ACKR3: variants seen among roughly 807,000 people sequenced by gnomAD.
ACKR3 encodes the protein C-X-C chemokine receptor type 7.
Under a neutral mutation model 22.4 loss-of-function variants are expected in ACKR3, and 6 were observed. That is an observed-to-expected ratio of 0.27 (90% CI 0.15 to 0.53). ACKR3 has a LOEUF of 0.53. ACKR3 is among the 20% of genes least tolerant of loss of function. The pLI is 0.96. For missense variants in ACKR3, 396 were observed against 475.2 expected (o/e 0.83, Z 1.55); for synonymous variants, 209 against 205.2 (o/e 1.02, Z -0.16).
At chr2:236,568,631 A>G (rs1691240792), upstream of ACKR3, among the ~76,000 whole-genome samples, 1 of 152,238 alleles carries the variant, frequency 6.6e-6, no homozygotes, top group Admixed American at 6.5e-5. Context: ...CTGGGCAGCC[A>G]GTTCAGGAGA....
chr2:236,580,859 A>G lies in ACKR3; in HGVS notation c.394A>G (p.Ile132Val). 1.9e-6 allele frequency: 3 copies of G among 1,614,076 alleles called. No individual in the cohort carries two copies. The highest frequency in any genetic ancestry group is 1.1e-5 in the South Asian group (1 of 91,076). The stretch of plus-strand genomic sequence containing the variant: ...CTTCTCCATCAACCTCTTCGGCAGC[A>G]TTTTCTTCCTCACGTGCATGAGCGT... The part of the protein sequence containing the change: ...LIFSINLFGS[I>V]FFLTCMSVDR... Residue 132 changes from isoleucine (I) to valine (V), a missense_variant, in exon 2 of 2, where the codon ATT (isoleucine) becomes GTT (valine). By Grantham distance (29) the Ile-to-Val change is conservative. Transcript: ENST00000272928.
chr2:236,550,031 C>T, the ACKR3 span, among the ~76,000 whole-genome samples: 10 of 152,284 alleles, frequency 6.6e-5, no homozygotes, highest in East Asian at 1.9e-3. This position sits in a 1 kb window ranked among gnomAD's most constrained non-coding sequence, Gnocchi z 4.6. Context: ...GCCCAGGTAC[C>T]CGGGGCCCTT....
rs775356645 is a variant in ACKR3 at position 236,581,463 on chromosome 2, A to G, written c.998A>G (p.Lys333Arg). 131 of 1,614,064 alleles carry G rather than the reference A, an allele frequency of 8.1e-5. No individual in the cohort carries two copies. The highest frequency in any genetic ancestry group is 1.1e-4 in the Non-Finnish European group (130 of 1,180,046). ...RYELMKAFIF[K>R]YSAKTGLTKL... Reference sequence around the variant, plus strand: ...GAGCTGATGAAGGCCTTCATCTTCAAGTACTCGGCCAAAACAGGGCTCACC... The same window carrying G: ...GAGCTGATGAAGGCCTTCATCTTCAGGTACTCGGCCAAAACAGGGCTCACC... Residue 333 changes from lysine (K) to arginine (R), a missense_variant, in exon 2 of 2, where the codon AAG (lysine) becomes AGG (arginine). By Grantham distance (26) the Lys-to-Arg change is conservative (BLOSUM62 2). Transcript: ENST00000272928. This position sits in a 1 kb window ranked among gnomAD's most constrained non-coding sequence, Gnocchi z 4.4.
chr2:236,565,507 T>A (rs1053730727), upstream of ACKR3, among the ~76,000 whole-genome samples: 1 of 152,190 alleles, frequency 6.6e-6, no homozygotes, highest in African/African-American at 2.4e-5. Flanking sequence ...ATAACTCTTA[T>A]CTTTTAAGCC....
At chr2:236,575,798 C>T (rs926051169) in intron 1 of ACKR3, among the ~76,000 whole-genome samples, 2 of 152,180 alleles carry the variant, frequency 1.3e-5, no homozygotes, top group African/African-American at 4.8e-5. Flanking sequence ...ATGGCGGAGA[C>T]ACCAGGCTTT....
the ACKR3 span, among the ~76,000 whole-genome samples, chr2:236,547,096 T>C: frequency 6.6e-6 from 1 of 152,226 alleles, no homozygotes; most frequent in African/African-American, 2.4e-5. Context: ...CCATCACCCC[T>C]GTCCATAGAC....
chr2:236,551,413 G>A, the ACKR3 span, among the ~76,000 whole-genome samples: 2 of 152,224 alleles, frequency 1.3e-5, no homozygotes, highest in African/African-American at 2.4e-5. Context: ...GCCCCCAGGA[G>A]GGACTCAGAC....
chr2:236,565,525 A>G (rs1025441706), upstream of ACKR3, among the ~76,000 whole-genome samples: 3 of 152,238 alleles, frequency 2.0e-5, no homozygotes, highest in African/African-American at 7.2e-5. Flanking sequence ...GCCTCTCCAT[A>G]TAATTTAGTG....
At chr2:236,548,409 G>A in the ACKR3 span, among the ~76,000 whole-genome samples, 4 of 152,072 alleles carry the variant, frequency 2.6e-5, no homozygotes, top group African/African-American at 7.3e-5. This position sits in a 1 kb window ranked among gnomAD's most constrained non-coding sequence, Gnocchi z 4.3. Flanking sequence ...ATGAAATCAG[G>A]CCCTAAACCC....
chr2:236,546,172 T>A, the ACKR3 span, among the ~76,000 whole-genome samples: 2 of 152,232 alleles, frequency 1.3e-5, no homozygotes, highest in Admixed American at 1.3e-4. This position sits in a 1 kb window ranked among gnomAD's most constrained non-coding sequence, Gnocchi z 4.9. Context: ...GATAATTAGC[T>A]AAGTTTGTTG....
In ACKR3 at chr2:236,574,131, T is replaced by C. The variant is rs1430279942; in HGVS notation, c.-27+4207T>C. 6.6e-6 allele frequency among the ~76,000 whole-genome samples: 1 copy of C among 151,652 alleles called. No homozygotes were observed. The highest frequency in any genetic ancestry group is 2.4e-5 in the African/African-American group (1 of 41,196). ...CTCGGGGGTTGGGGGGAGATGTTTC[T>C]GATTTGTTGTCCTCACGTGCCCCAG... is the stretch of plus-strand genomic sequence containing the variant. On this transcript the variant is annotated intron_variant, in intron 1 of 1. Transcript: ENST00000272928. This position sits in a 1 kb window ranked among gnomAD's most constrained non-coding sequence, Gnocchi z 5.6.
At chr2:236,546,429 AC>A in the ACKR3 span, among the ~76,000 whole-genome samples, 1 of 152,192 alleles carries the variant, frequency 6.6e-6, no homozygotes, top group African/African-American at 2.4e-5. The surrounding 1 kb of genome is among the most constrained non-coding windows in gnomAD (Gnocchi z 4.9). Context: ...CTACATAGAT[AC>A]TTTTCCACTA....
intron 1 of ACKR3, among the ~76,000 whole-genome samples, chr2:236,575,252 C>T (rs1250306188): frequency 2.6e-5 from 4 of 152,168 alleles, no homozygotes; most frequent in Admixed American, 2.0e-4. Context: ...CCTTTTGTTC[C>T]CTCCTCCTAC....
chr2:236,559,889 G>A, the ACKR3 span, among the ~76,000 whole-genome samples: 7 of 152,202 alleles, frequency 4.6e-5, no homozygotes, highest in Admixed American at 3.9e-4. Flanking sequence ...TCCTTGCTCC[G>A]TTTGTCCTAT....
rs778866258 is a variant in ACKR3 at position 236,580,499 on chromosome 2, G to A, written c.34G>A (p.Gly12Arg). ...GCATCTCTTCGACTACTCAGAGCCA[G>A]GGAACTTCTCGGACATCAGCTGGCC... ...DLHLFDYSEP[G>R]NFSDISWPCN... The change falls in exon 2 of 2, where the codon GGG becomes AGG. Residue 12 changes from glycine (G) to arginine (R), a missense_variant. Transcript: ENST00000272928. 1.1e-5 allele frequency: 18 copies of A among 1,613,884 alleles called. 1 individual carries two copies. In the South Asian group the frequency reaches 1.9e-4, roughly 17 times the overall value.
chr2:236,543,940 G>T, the ACKR3 span, among the ~76,000 whole-genome samples: 1 of 80,908 alleles, frequency 1.2e-5, no homozygotes, highest in Admixed American at 1.7e-4. Context: ...CTGGGAGAAG[G>T]GTATATATAT....
At chr2:236,544,920 T>G in the ACKR3 span, among the ~76,000 whole-genome samples, 1 of 152,120 alleles carries the variant, frequency 6.6e-6, no homozygotes, top group Admixed American at 6.5e-5. This position sits in a 1 kb window ranked among gnomAD's most constrained non-coding sequence, Gnocchi z 5.0. Flanking sequence ...TGCTTTTAAT[T>G]GGGGACACTT....
In ACKR3 at chr2:236,580,433, C is replaced by T. The variant is rs1239747240; in HGVS notation, c.-26-7C>T. The T allele has an allele frequency of 6.3e-7, 1 of 1,586,014 alleles. No homozygotes were observed. Among genetic ancestry groups the T allele is most frequent in the South Asian group, 1.1e-5 (1 of 87,802 alleles). Reference sequence around the variant, plus strand: ...CCATCTTTTTTGTTTGCTTGGTTTTCTCATAGGTCATTTGATTGCCCGCCT... The same window carrying T: ...CCATCTTTTTTGTTTGCTTGGTTTTTTCATAGGTCATTTGATTGCCCGCCT... On this transcript the variant is annotated splice_polypyrimidine_tract_variant and splice_region_variant and intron_variant, in intron 1 of 1. Transcript: ENST00000272928.
chr2:236,554,995 C>T, the ACKR3 span, among the ~76,000 whole-genome samples: 3 of 152,152 alleles, frequency 2.0e-5, no homozygotes, highest in Admixed American at 1.3e-4. Context: ...ATATTCCGTC[C>T]CCCGTCCTCA....
Sources: allele counts gnomAD v4.1 joint callset (sites outside exome capture counted in the v4.1 genomes callset), GRCh38; gene constraint gnomAD v4.1.1; non-coding constraint Gnocchi (gnomAD v3.1); transcripts MANE v1.5; gene names NCBI Gene and HGNC (gene_info 2026-07-23, HGNC 2026-07-21).